FRMD4B: variants seen among roughly 807,000 people sequenced by gnomAD.
The protein encoded by FRMD4B is FERM domain-containing protein 4B.
Under a neutral mutation model 141.5 loss-of-function variants are expected in FRMD4B, and 74 were observed. The ratio of observed to expected loss-of-function variants is 0.52; its 90% confidence interval spans 0.43 to 0.63. The LOEUF (loss-of-function observed/expected upper bound fraction) is 0.63. Among genes scored for constraint, FRMD4B ranks in the 30% least tolerant of loss-of-function variants. FRMD4B has a pLI of 0.00. For synonymous variants in FRMD4B, 506 were observed against 467.9 expected (o/e 1.08, Z -1.05); for missense variants, 1,366 against 1,253.4 (o/e 1.09, Z -1.36).
At chr3:69,340,802 A>C (rs925225191) in intron 1 of FRMD4B, among the ~76,000 whole-genome samples, 1 of 152,082 alleles carries the variant, frequency 6.6e-6, no homozygotes, top group East Asian at 1.9e-4. Flanking sequence ...ACTTTTCACT[A>C]TTGTGATTAA....
intron 1 of FRMD4B, among the ~76,000 whole-genome samples, chr3:69,374,478 T>C (rs913658491): frequency 6.6e-6 from 1 of 152,206 alleles, no homozygotes; most frequent in Non-Finnish European, 1.5e-5. Flanking sequence ...ATGATGCTTA[T>C]AATAACCAGG....
chr3:69,477,240 T>G (rs1706017531), intron 1 of FRMD4B, among the ~76,000 whole-genome samples: 1 of 151,836 alleles, frequency 6.6e-6, no homozygotes. Flanking sequence ...TCCAACACTA[T>G]GTTGAATAGG....
chr3:69,510,353 T>C (rs1330057413), intron 1 of FRMD4B, among the ~76,000 whole-genome samples: 1 of 152,186 alleles, frequency 6.6e-6, no homozygotes, highest in Non-Finnish European at 1.5e-5. Context: ...ATAAAAACTA[T>C]TAAGCAATTT....
At chr3:69,335,457 C>A (rs1438297751) in intron 1 of FRMD4B, among the ~76,000 whole-genome samples, 1 of 150,102 alleles carries the variant, frequency 6.7e-6, no homozygotes, top group African/African-American at 2.5e-5. Flanking sequence ...ACTGCAACCT[C>A]CACCTCCCGG....
At chr3:69,292,410 T>C (rs1218101948) in intron 4 of FRMD4B, among the ~76,000 whole-genome samples, 1 of 152,228 alleles carries the variant, frequency 6.6e-6, no homozygotes, top group Non-Finnish European at 1.5e-5. Flanking sequence ...GGTTGCTGGG[T>C]AGCTTGGCAC....
At chr3:69,332,908 C>T (rs1164403429) in intron 1 of FRMD4B, among the ~76,000 whole-genome samples, 1 of 151,994 alleles carries the variant, frequency 6.6e-6, no homozygotes, top group African/African-American at 2.4e-5. Flanking sequence ...CGCTTCAAAC[C>T]ATCTCCTCGT....
intron 1 of FRMD4B, among the ~76,000 whole-genome samples, chr3:69,354,800 G>A (rs898864624): frequency 6.6e-6 from 1 of 152,110 alleles, no homozygotes; most frequent in East Asian, 1.9e-4. Flanking sequence ...ACAATATACT[G>A]TCTGGGGAAG....
intron 1 of FRMD4B, among the ~76,000 whole-genome samples, chr3:69,319,499 G>T (rs1373297342): frequency 1.3e-5 from 2 of 152,150 alleles, no homozygotes; most frequent in Non-Finnish European, 2.9e-5. Flanking sequence ...CACTTAACAA[G>T]CATATGGCAG....
intron 1 of FRMD4B, among the ~76,000 whole-genome samples, chr3:69,453,324 G>A (rs901079631): frequency 3.1e-4 from 47 of 152,152 alleles, no homozygotes; most frequent in African/African-American, 1.1e-3. Context: ...CTGGTGCAGG[G>A]GTCATATTCT....
intron 1 of FRMD4B, among the ~76,000 whole-genome samples, chr3:69,454,370 G>C (rs1346402921): frequency 6.6e-6 from 1 of 152,240 alleles, no homozygotes. Context: ...CTGCTGCACC[G>C]TGGGAGCCCC....
At chr3:69,188,160 G>A (rs1269892335) in intron 18 of FRMD4B, among the ~76,000 whole-genome samples, 1 of 152,072 alleles carries the variant, frequency 6.6e-6, no homozygotes, top group Non-Finnish European at 1.5e-5. Flanking sequence ...AATTCAACAG[G>A]TGTCACTTAG....
At chr3:69,446,385 T>A (rs1705411408) in intron 1 of FRMD4B, among the ~76,000 whole-genome samples, 1 of 151,946 alleles carries the variant, frequency 6.6e-6, no homozygotes, top group Non-Finnish European at 1.5e-5. Context: ...CTGGCTGGAG[T>A]GCAGTGGTGC....
chr3:69,436,140 T>C (rs1705255993), intron 1 of FRMD4B, among the ~76,000 whole-genome samples: 1 of 152,192 alleles, frequency 6.6e-6, no homozygotes, highest in East Asian at 1.9e-4. Context: ...CTTTCTCAGC[T>C]TACTTCACCA....
At chr3:69,507,745 C>T (rs1008800596) in intron 1 of FRMD4B, among the ~76,000 whole-genome samples, 1 of 151,990 alleles carries the variant, frequency 6.6e-6, no homozygotes, top group Non-Finnish European at 1.5e-5. Context: ...AGGTTTGCAG[C>T]CTTCTGATGG....
At chr3:69,229,979 C>CT (rs553802460) in intron 7 of FRMD4B, among the ~76,000 whole-genome samples, 202 of 142,904 alleles carry the variant, frequency 1.4e-3, no homozygotes, top group Middle Eastern at 7.2e-3. Flanking sequence ...GACTATCAAA[C>CT]TTTTTTTTTT....
At chr3:69,273,605 G>A (rs1344725459) in intron 5 of FRMD4B, among the ~76,000 whole-genome samples, 1 of 152,208 alleles carries the variant, frequency 6.6e-6, no homozygotes, top group African/African-American at 2.4e-5. Context: ...ACTCAGAATT[G>A]ATTTTTAATT....
At chr3:69,243,397 A>C (rs184802970) in intron 7 of FRMD4B, among the ~76,000 whole-genome samples, 2 of 152,340 alleles carry the variant, frequency 1.3e-5, no homozygotes, top group Admixed American at 6.5e-5. Flanking sequence ...GAAAAAATGA[A>C]GAGAGGCATG....
At chr3:69,228,616 C>T (rs1415274794) in intron 7 of FRMD4B, 1 of 388,874 alleles carries the variant, frequency 2.6e-6, no homozygotes, top group Admixed American at 3.1e-5. Flanking sequence ...GGGAGGATCT[C>T]TTGAGCCCAG....
At chr3:69,461,304 C>G (rs976160025) in intron 1 of FRMD4B, among the ~76,000 whole-genome samples, 14 of 152,106 alleles carry the variant, frequency 9.2e-5, no homozygotes, top group Non-Finnish European at 1.3e-4. Flanking sequence ...GGCCTGCAAT[C>G]CCAGCACTTT....
Sources: allele counts gnomAD v4.1 joint callset (sites outside exome capture counted in the v4.1 genomes callset), GRCh38; gene constraint gnomAD v4.1.1; transcripts MANE v1.5; gene names NCBI Gene and HGNC (gene_info 2026-07-23, HGNC 2026-07-21).